Variants in MEP1A observed in about 807,000 individuals in gnomAD.
MEP1A encodes the protein meprin A subunit alpha.
MEP1A carries 68 observed loss-of-function variants against 84.5 expected under a neutral mutation model. That is an observed-to-expected ratio of 0.80 (90% CI 0.66 to 0.98). The LOEUF (loss-of-function observed/expected upper bound fraction) is 0.98, where lower values mean the gene tolerates loss of function less well. MEP1A is among the 50% of genes least tolerant of loss of function. The pLI, the probability that MEP1A is intolerant of heterozygous loss-of-function variation, is 0.00. For missense variants in MEP1A, 887 were observed against 919.9 expected, an observed-to-expected ratio of 0.96 and a Z score of 0.46; for synonymous variants, 337 against 336.8, an observed-to-expected ratio of 1.00 and a Z score of -0.01.
At chr6:46,828,395 AACCATC>A (rs1471615516) in intron 9 of MEP1A, among the ~76,000 whole-genome samples, 1 of 152,112 alleles carries the variant, frequency 6.6e-6, no homozygotes, top group African/African-American at 2.4e-5. Context: ...AGCTTATTTA[AACCATC>A]ATTGCTTGCT....
chr6:46,801,411 G>A (rs201826418), intron 5 of MEP1A, among the ~76,000 whole-genome samples: 1 of 151,908 alleles, frequency 6.6e-6, no homozygotes, highest in Non-Finnish European at 1.5e-5. Flanking sequence ...GGCTATTTTT[G>A]TATCTTCTTT....
intron 7 of MEP1A, among the ~76,000 whole-genome samples, chr6:46,824,770 TATGTATTTAAATAG>T (rs1298764357): frequency 2.8e-4 from 13 of 46,490 alleles, no homozygotes; most frequent in South Asian, 1.5e-3. Context: ...ATATATAAAT[TATGTATTTAAATAG>T]ATGTATTTAA....
chr6:46,825,095 G>A (rs9472880), intron 7 of MEP1A, among the ~76,000 whole-genome samples, 177 bp from the exon 8 acceptor site: 31,371 of 95,718 alleles, frequency 0.33, 7,385 homozygotes, highest in Middle Eastern at 0.4. Flanking sequence ...TATAAATTAT[G>A]TATTTAAATA....
At chr6:46,798,547 G>A (rs1767118018) in intron 3 of MEP1A, 59 bp from the exon 4 acceptor site, 1 of 1,290,906 alleles carries the variant, frequency 7.7e-7, no homozygotes, top group Non-Finnish European at 1.1e-6. Context: ...TATTACGAAA[G>A]ATGCCTTTTA....
chr6:46,809,836 TA>T (rs55642008), intron 6 of MEP1A, among the ~76,000 whole-genome samples: 54,480 of 150,822 alleles, frequency 0.36, 10,046 homozygotes, highest in Middle Eastern at 0.43. Flanking sequence ...ATTTTACATA[TA>T]TTTTTTTTTC....
In MEP1A at chr6:46,833,129, G is replaced by C. The variant is rs1282772441; in HGVS notation, c.1200G>C (p.Lys400Asn). 2 of 1,552,056 alleles carry C rather than the reference G, an allele frequency of 1.3e-6. No individual in the cohort carries two copies. The highest frequency in any genetic ancestry group is 1.7e-6 in the Non-Finnish European group (2 of 1,154,174). ...IAHVVLKEEQ[K>N]FRYLFQGTKG... ...ATGTGGTGCTCAAAGAGGAACAGAAGTTTCGCTACCTTTTCCAGGGCACAA... is the reference window on the plus strand; with the variant it reads ...ATGTGGTGCTCAAAGAGGAACAGAACTTTCGCTACCTTTTCCAGGGCACAA... The change falls in exon 11 of 14, where the codon AAG becomes AAC. Residue 400 changes from lysine (K) to asparagine (N), a missense_variant. Transcript: ENST00000230588.
chr6:46,817,900 C>T (rs1713285049), intron 6 of MEP1A, among the ~76,000 whole-genome samples: 1 of 152,138 alleles, frequency 6.6e-6, no homozygotes, highest in African/African-American at 2.4e-5. Context: ...AAGGGACTGG[C>T]CCAAAGTGCC....
chr6:46,813,551 G>A (rs1351676536), intron 6 of MEP1A, among the ~76,000 whole-genome samples: 2 of 152,004 alleles, frequency 1.3e-5, no homozygotes, highest in Middle Eastern at 3.2e-3. Flanking sequence ...TACATTCACT[G>A]TTATTATTGG....
chr6:46,821,889 A>C (rs1044570876), intron 7 of MEP1A, among the ~76,000 whole-genome samples: 1 of 152,224 alleles, frequency 6.6e-6, no homozygotes, highest in Admixed American at 6.5e-5. Flanking sequence ...CAAAAGAGAC[A>C]TCAAATCCAA....
intron 13 of MEP1A, among the ~76,000 whole-genome samples, chr6:46,835,769 C>A (rs1393746231): frequency 6.6e-6 from 1 of 152,178 alleles, no homozygotes; most frequent in Non-Finnish European, 1.5e-5. Context: ...GACTTTCACC[C>A]CTTTTCCCCT....
intron 10 of MEP1A, among the ~76,000 whole-genome samples, chr6:46,832,007 A>G (rs766575305): frequency 3.3e-5 from 5 of 152,140 alleles, no homozygotes; most frequent in Non-Finnish European, 7.3e-5. Flanking sequence ...ACATTGTTAG[A>G]CCTGTCCCTT....
intron 7 of MEP1A, among the ~76,000 whole-genome samples, chr6:46,822,226 C>T (rs932432358): frequency 5.9e-5 from 9 of 152,104 alleles, no homozygotes; most frequent in Admixed American, 2.6e-4. Flanking sequence ...TGGCTGTTTT[C>T]GTGCTACAAT....
In MEP1A at chr6:46,835,673, G is replaced by A. The variant is rs550323379; in HGVS notation, c.2084+124G>A. 5.0e-4 allele frequency: 523 copies of A among 1,046,230 alleles called. No homozygotes were observed. The African/African-American group carries it at 6.9e-3, about 14-fold the overall frequency. 64.8% of individuals were successfully genotyped at this position (1,046,230 alleles called of 1,614,324 possible). On this transcript the variant is annotated intron_variant, in intron 13 of 13. Coordinates refer to ENST00000230588, the MANE Select transcript of MEP1A (RefSeq NM_005588.3). ...CTACCTCAGATGGTCAACTGAATGCGGTTTTCTTTGACTCTACAAAGGTGT... is the reference window on the plus strand; with the variant it reads ...CTACCTCAGATGGTCAACTGAATGCAGTTTTCTTTGACTCTACAAAGGTGT...
At chr6:46,816,280 T>C (rs1386062365) in intron 6 of MEP1A, among the ~76,000 whole-genome samples, 1 of 152,054 alleles carries the variant, frequency 6.6e-6, no homozygotes. Context: ...TTTAAAAAAA[T>C]TGCACACCTA....
rs1242957642 is a variant in MEP1A at position 46,794,885 on chromosome 6, T to G, written c.145+1169T>G. 2.0e-5 allele frequency among the ~76,000 whole-genome samples: 3 copies of G among 152,198 alleles called. No individual in the cohort carries two copies. The East Asian group carries it at 5.8e-4, about 29-fold the overall frequency. On this transcript the variant is annotated intron_variant, in intron 3 of 13. Coordinates refer to ENST00000230588, the MANE Select transcript of MEP1A (RefSeq NM_005588.3). ...CTAATAAAAATTAATTATTTACCTC[T>G]TTGCCATTTTGTACTCTTTAGGCCC...
rs775825864 is a variant in MEP1A at position 46,825,427 on chromosome 6, A to G, written c.712A>G (p.Ile238Val). ...AGCCAAGATCCCTGAGTTTAACTCCATTATCGGACAGCGCCTGGATTTCAG... is the reference window on the plus strand; with the variant it reads ...AGCCAAGATCCCTGAGTTTAACTCCGTTATCGGACAGCGCCTGGATTTCAG... Reference protein sequence around the residue: ...ITAKIPEFNSIIGQRLDFSAI... With the variant: ...ITAKIPEFNSVIGQRLDFSAI... Residue 238 changes from isoleucine (I) to valine (V), a missense_variant, in exon 8 of 14, where the codon ATT (isoleucine) becomes GTT (valine). Transcript: ENST00000230588. 16 of 1,613,816 alleles carry G rather than the reference A, an allele frequency of 9.9e-6. No homozygotes were observed. The South Asian group carries it at 1.4e-4, about 14-fold the overall frequency.
At chr6:46,805,654 T>C (rs1767295701) in intron 5 of MEP1A, among the ~76,000 whole-genome samples, 1 of 152,022 alleles carries the variant, frequency 6.6e-6, no homozygotes, top group Non-Finnish European at 1.5e-5. Context: ...ATTATTGTTC[T>C]CCTGTATGTA....
At chr6:46,822,976 A>G (rs1767816999) in intron 7 of MEP1A, among the ~76,000 whole-genome samples, 1 of 152,158 alleles carries the variant, frequency 6.6e-6, no homozygotes, top group Non-Finnish European at 1.5e-5. Flanking sequence ...ATTACCTCAA[A>G]TGACATCCTA....
downstream of MEP1A, among the ~76,000 whole-genome samples, chr6:46,844,301 G>A (rs1290323761): frequency 6.6e-6 from 1 of 152,088 alleles, no homozygotes; most frequent in Non-Finnish European, 1.5e-5. Flanking sequence ...AAATATGATA[G>A]GAAAGATTTG....
Sources: allele counts gnomAD v4.1 joint callset (sites outside exome capture counted in the v4.1 genomes callset), GRCh38; gene constraint gnomAD v4.1.1; transcripts MANE v1.5; gene names NCBI Gene and HGNC (gene_info 2026-07-23, HGNC 2026-07-21).